LRP1B: variants seen among roughly 807,000 people sequenced by gnomAD.
LRP1B encodes low-density lipoprotein receptor-related protein 1B.
Under a neutral mutation model 556.6 loss-of-function variants are expected in LRP1B, and 217 were observed. The ratio of observed to expected loss-of-function variants is 0.39; its 90% confidence interval spans 0.35 to 0.44. LRP1B has a LOEUF of 0.44. Ranked by LOEUF, LRP1B falls within the 20% of genes least tolerant of loss-of-function variation. LRP1B has a pLI of 1.00. For missense variants in LRP1B, 5,053 were observed against 5,620.8 expected (o/e 0.90, Z 3.23); for synonymous variants, 2,047 against 1,865.8 (o/e 1.10, Z -2.50).
chr2:141,073,658 G>A (rs1324637854), intron 7 of LRP1B, among the ~76,000 whole-genome samples: 1 of 151,996 alleles, frequency 6.6e-6, no homozygotes, highest in African/African-American at 2.4e-5. Flanking sequence ...AACATACCTA[G>A]TATTAAATTC....
intron 11 of LRP1B, among the ~76,000 whole-genome samples, chr2:141,037,765 A>C (rs544582696): frequency 7.9e-5 from 12 of 152,098 alleles, no homozygotes; most frequent in African/African-American, 2.6e-4. Flanking sequence ...GATGCAAAGT[A>C]ACAAGCAAAA....
intron 2 of LRP1B, among the ~76,000 whole-genome samples, chr2:141,482,435 ATTTTC>A (rs1682952611): frequency 1.3e-5 from 2 of 151,984 alleles, no homozygotes; most frequent in African/African-American, 4.8e-5. Flanking sequence ...TGCACAACTC[ATTTTC>A]TGTAACATGC....
intron 55 of LRP1B, among the ~76,000 whole-genome samples, chr2:140,497,407 G>T (rs1443906153): frequency 6.6e-6 from 1 of 151,380 alleles, no homozygotes; most frequent in Non-Finnish European, 1.5e-5. Context: ...ACTTAACTAT[G>T]GCCAAAGAAA....
At chr2:141,918,549 T>A (rs9287327) in intron 1 of LRP1B, among the ~76,000 whole-genome samples, 131,073 of 152,024 alleles carry the variant, frequency 0.86, 56,655 homozygotes, top group East Asian at 1. Context: ...CATACTCTTT[T>A]AAAAATTCAC....
intron 1 of LRP1B, among the ~76,000 whole-genome samples, chr2:141,919,758 C>A (rs1044227208): frequency 6.6e-6 from 1 of 151,940 alleles, no homozygotes; most frequent in Non-Finnish European, 1.5e-5. Flanking sequence ...TAGAACAATA[C>A]GTAACATTTG....
chr2:141,694,796 G>C (rs75564703), intron 2 of LRP1B, among the ~76,000 whole-genome samples: 1,786 of 152,088 alleles, frequency 0.012, 20 homozygotes, highest in South Asian at 0.023. Context: ...AAGGCATCTT[G>C]TTGCTTATTT....
intron 2 of LRP1B, among the ~76,000 whole-genome samples, chr2:141,643,249 G>T (rs1689413164): frequency 6.6e-6 from 1 of 151,996 alleles, no homozygotes; most frequent in African/African-American, 2.4e-5. Context: ...TGATTTACTG[G>T]CAATGCAATA....
intron 2 of LRP1B, among the ~76,000 whole-genome samples, chr2:141,741,851 G>C (rs62168662): frequency 2.0e-5 from 3 of 151,946 alleles, no homozygotes; most frequent in African/African-American, 7.3e-5. Context: ...GGGATATTGC[G>C]CAAGAAATCT....
intron 1 of LRP1B, among the ~76,000 whole-genome samples, chr2:141,885,509 C>T (rs567649408): frequency 7.9e-5 from 12 of 152,150 alleles, no homozygotes; most frequent in Non-Finnish European, 1.2e-4. Flanking sequence ...AAACAAAAAA[C>T]GCTGTGGAAT....
At chr2:141,613,480 G>A (rs35148968) in intron 2 of LRP1B, among the ~76,000 whole-genome samples, 12,202 of 152,134 alleles carry the variant, frequency 0.08, 576 homozygotes, top group South Asian at 0.13. Context: ...TAATTAATCC[G>A]TATGGATTTG....
intron 3 of LRP1B, among the ~76,000 whole-genome samples, chr2:141,364,352 C>T (rs531335864): frequency 1.7e-4 from 25 of 151,040 alleles, no homozygotes; most frequent in East Asian, 1.9e-4. Flanking sequence ...AATTAAATCA[C>T]GCACACACAC....
chr2:142,057,611 G>A (rs1208858814), intron 1 of LRP1B, among the ~76,000 whole-genome samples: 3 of 152,058 alleles, frequency 2.0e-5, no homozygotes, highest in African/African-American at 7.2e-5. Context: ...CCCCTAGTAC[G>A]CTCACACACT....
chr2:141,151,910 G>A (rs1279204878), intron 7 of LRP1B, among the ~76,000 whole-genome samples: 9 of 151,984 alleles, frequency 5.9e-5, no homozygotes, highest in Non-Finnish European at 1.2e-4. Flanking sequence ...TATAACTATG[G>A]CAAGATGTCA....
At chr2:141,068,445 T>C (rs367703359) in intron 7 of LRP1B, among the ~76,000 whole-genome samples, 1 of 151,600 alleles carries the variant, frequency 6.6e-6, no homozygotes, top group East Asian at 2.0e-4. Context: ...CCAGGTGTGA[T>C]GTTTGCATAG....
intron 59 of LRP1B, among the ~76,000 whole-genome samples, chr2:140,483,640 A>ATATATATATATATATATAT (rs1491228405): frequency 9.9e-5 from 7 of 70,748 alleles, no homozygotes; most frequent in Non-Finnish European, 1.8e-4. Flanking sequence ...ATATATATAT[A>ATATATATATATATATATAT]TTTTTTTTTT....
chr2:140,649,615 G>C (rs1290992878), intron 41 of LRP1B, among the ~76,000 whole-genome samples: 1 of 152,106 alleles, frequency 6.6e-6, no homozygotes, highest in African/African-American at 2.4e-5. Context: ...TTGCTTCTTT[G>C]ATTTTCCTCT....
At chr2:142,036,141 C>A (rs986500593) in intron 1 of LRP1B, among the ~76,000 whole-genome samples, 1 of 151,586 alleles carries the variant, frequency 6.6e-6, no homozygotes, top group Admixed American at 6.6e-5. Flanking sequence ...AGAACACCAC[C>A]CCAGGCCATC....
chr2:142,118,122 C>T (rs1010621419), intron 1 of LRP1B, among the ~76,000 whole-genome samples: 39 of 152,148 alleles, frequency 2.6e-4, no homozygotes, highest in Admixed American at 2.2e-3. Flanking sequence ...ATTCCTACTT[C>T]GGGTTCCTTT....
At chr2:140,647,496 A>T (rs562831126) in intron 41 of LRP1B, among the ~76,000 whole-genome samples, 1 of 152,274 alleles carries the variant, frequency 6.6e-6, no homozygotes, top group South Asian at 2.1e-4. Flanking sequence ...GAGAGTGAAG[A>T]CGGTGTTATT....
Sources: gnomAD v4.1 joint callset for allele counts (sites outside exome capture counted in the v4.1 genomes callset) on GRCh38, gnomAD v4.1.1 for gene constraint, MANE v1.5 for transcripts, NCBI Gene and HGNC (gene_info 2026-07-23, HGNC 2026-07-21) for gene names.